Variants in HIVEP1 observed in about 807,000 individuals in gnomAD.
HIVEP1 encodes the protein HIVEP zinc finger 1, also known as zinc finger protein 40.
Under a neutral mutation model 180.0 loss-of-function variants are expected in HIVEP1, and 36 were observed. The observed-to-expected ratio is 0.20, with a 90% CI of 0.15 to 0.26. The LOEUF (loss-of-function observed/expected upper bound fraction) is 0.26, where lower values mean the gene tolerates loss of function less well. HIVEP1 is among the 10% of genes least tolerant of loss of function. The pLI is 1.00. For missense variants in HIVEP1, 3,143 were observed against 3,268.7 expected (o/e 0.96, Z 0.94); for synonymous variants, 1,239 against 1,239.0 (o/e 1.00, Z 0.00).
intron 2 of HIVEP1, among the ~76,000 whole-genome samples, chr6:12,061,323 C>T (rs1331178740): frequency 2.0e-5 from 3 of 152,168 alleles, no homozygotes; most frequent in African/African-American, 4.8e-5. Context: ...TCAATTGGCA[C>T]GTTTGCATAT....
intron 3 of HIVEP1, among the ~76,000 whole-genome samples, chr6:12,105,295 G>A (rs1158542014): frequency 2.0e-5 from 3 of 152,166 alleles, no homozygotes; most frequent in African/African-American, 7.2e-5. Flanking sequence ...CGGACTCCAT[G>A]CATGGCATGC....
chr6:12,093,845 C>T (rs1773634350), intron 3 of HIVEP1, among the ~76,000 whole-genome samples: 1 of 151,894 alleles, frequency 6.6e-6, no homozygotes, highest in East Asian at 1.9e-4. Flanking sequence ...GGGCAGATTC[C>T]TTGTGTTATT....
the HIVEP1 span, among the ~76,000 whole-genome samples, chr6:12,200,381 G>T: frequency 5.3e-5 from 8 of 152,234 alleles, no homozygotes; most frequent in East Asian, 1.5e-3. Context: ...TGCCTATGGG[G>T]TAGCCCTGCT....
Position 12,119,944 on chromosome 6 carries a change from G to A in HIVEP1, c.149G>A (p.Arg50His), listed in dbSNP as rs1179938140. The A allele has an allele frequency of 1.2e-6, 2 of 1,600,804 alleles. No homozygotes were observed. The highest frequency in any genetic ancestry group is 8.5e-7 in the Non-Finnish European group (1 of 1,176,460). Residue 50 changes from arginine (R) to histidine (H), a missense_variant, in exon 4 of 9, where the codon CGC becomes CAC. Physicochemically the swap from Arg to His is conservative, Grantham distance 29. Coordinates refer to ENST00000379388, the MANE Select transcript of HIVEP1 (RefSeq NM_002114.4). Reference protein sequence around the residue: ...GTSESLKGVKRKKIVAENHLK... With the variant: ...GTSESLKGVKHKKIVAENHLK... ...TCGGAATCCCTTAAAGGTGTGAAACGCAAAAAGATCGTAGCTGAGAATCAC... is the reference window on the plus strand; with the variant it reads ...TCGGAATCCCTTAAAGGTGTGAAACACAAAAAGATCGTAGCTGAGAATCAC...
chr6:12,090,789 AGTAGC>A (rs1301239163), intron 3 of HIVEP1, among the ~76,000 whole-genome samples: 1 of 118,838 alleles, frequency 8.4e-6, no homozygotes, highest in East Asian at 2.6e-4. Flanking sequence ...AGCTGCTTCT[AGTAGC>A]AAAGCAAATG....
At chr6:12,143,540 A>G (rs545191654) in intron 7 of HIVEP1, among the ~76,000 whole-genome samples, 14 of 152,212 alleles carry the variant, frequency 9.2e-5, no homozygotes, top group South Asian at 2.1e-4. Context: ...GGCCAAGGCA[A>G]TCAGGCAAGA....
At chr6:12,071,457 TC>T (rs1489218860) in intron 2 of HIVEP1, among the ~76,000 whole-genome samples, 4 of 152,348 alleles carry the variant, frequency 2.6e-5, no homozygotes, top group South Asian at 2.1e-4. Context: ...AATATTGTCT[TC>T]CTTTTCCTAT....
chr6:12,119,867 G>T (rs776787998), intron 3 of HIVEP1, 23 bp from the exon 4 acceptor site: 2 of 1,300,692 alleles, frequency 1.5e-6, no homozygotes, highest in Non-Finnish European at 2.1e-6. Context: ...CCAATTGTTT[G>T]TTGTTGTTGT....
Position 12,164,039 on chromosome 6 carries a change from T to C in HIVEP1, c.7735T>C (p.Cys2579Arg), listed in dbSNP as rs768703933. 3.7e-6 allele frequency: 6 copies of C among 1,614,078 alleles called. No individual in the cohort carries two copies. The highest frequency in any genetic ancestry group is 5.1e-6 in the Non-Finnish European group (6 of 1,180,026). The part of the protein sequence containing the change: ...PEMPASQSKA[C>R]ETQPKQTSVA... ...AATGCCAGCTTCCCAAAGCAAAGCA[T>C]GCGAGACACAACCCAAGCAGACTTC... The change falls in exon 9 of 9, where the codon TGC (cysteine) becomes CGC (arginine). Residue 2579 changes from cysteine to arginine, a missense_variant. Physicochemically the swap from Cys to Arg is radical, Grantham distance 180. Around this residue, in one of 12 missense-constraint regions of HIVEP1, gnomAD observed 595 missense variants for 602.2 expected, o/e 0.99. Coordinates refer to ENST00000379388, the MANE Select transcript of HIVEP1 (RefSeq NM_002114.4).
intron 2 of HIVEP1, among the ~76,000 whole-genome samples, chr6:12,075,842 A>C (rs1772316049): frequency 6.6e-6 from 1 of 152,212 alleles, no homozygotes; most frequent in Non-Finnish European, 1.5e-5. Flanking sequence ...ATGTCATCAC[A>C]ATACCTTTGT....
At chr6:12,060,110 T>C (rs1175764421) in intron 2 of HIVEP1, among the ~76,000 whole-genome samples, 2 of 152,228 alleles carry the variant, frequency 1.3e-5, no homozygotes, top group African/African-American at 4.8e-5. Flanking sequence ...GCTATTTCAA[T>C]TGGAATTCTT....
At chr6:12,186,564 C>G in the HIVEP1 span, among the ~76,000 whole-genome samples, 142,978 of 147,346 alleles carry the variant, frequency 0.97, 69,428 homozygotes, top group East Asian at 1. Flanking sequence ...AAAAAAAAGG[C>G]GTATACTAAC....
At chr6:12,088,249 T>C (rs1333359016) in intron 2 of HIVEP1, among the ~76,000 whole-genome samples, 8 of 152,120 alleles carry the variant, frequency 5.3e-5, no homozygotes, top group Admixed American at 6.6e-5. Context: ...ACTTCTGAGC[T>C]GATGCGTTTA....
intron 4 of HIVEP1, among the ~76,000 whole-genome samples, chr6:12,126,746 A>G (rs949900742): frequency 6.6e-6 from 1 of 152,232 alleles, no homozygotes; most frequent in African/African-American, 2.4e-5. Context: ...AGTTTCTAAC[A>G]TTACTGGTAG....
intron 2 of HIVEP1, among the ~76,000 whole-genome samples, chr6:12,050,761 T>C (rs532356396): frequency 3.4e-4 from 52 of 152,054 alleles, no homozygotes; most frequent in Middle Eastern, 3.4e-3. Context: ...GCCCTTGGCC[T>C]GGTGGGCCAT....
intron 7 of HIVEP1, among the ~76,000 whole-genome samples, chr6:12,138,815 T>C (rs1033400459): frequency 2.6e-5 from 4 of 151,860 alleles, no homozygotes; most frequent in Admixed American, 2.6e-4. Context: ...CCCTTACCTC[T>C]AAGCACACTT....
At chr6:12,022,121 A>G (rs541556742) in intron 2 of HIVEP1, among the ~76,000 whole-genome samples, 4 of 152,244 alleles carry the variant, frequency 2.6e-5, no homozygotes, top group African/African-American at 7.2e-5. Flanking sequence ...GAACAGATAA[A>G]CCAGGTGGTT....
the HIVEP1 span, among the ~76,000 whole-genome samples, chr6:12,200,781 T>C: frequency 6.6e-6 from 1 of 152,262 alleles, no homozygotes; most frequent in Non-Finnish European, 1.5e-5. Flanking sequence ...TGAAATCTTT[T>C]TGTTTTATTT....
intron 5 of HIVEP1, 137 bp downstream of exon 5, chr6:12,130,029 A>G (rs1270643862): frequency 9.6e-6 from 6 of 623,708 alleles, no homozygotes; most frequent in Non-Finnish European, 1.7e-5. Context: ...CAGAATCTCC[A>G]TAGCAAAATA....
Sources: gnomAD v4.1 joint callset for allele counts (sites outside exome capture counted in the v4.1 genomes callset) on GRCh38, gnomAD v4.1.1 for gene constraint, gnomAD v4.1.1 regional missense constraint, MANE v1.5 for transcripts, NCBI Gene and HGNC (gene_info 2026-07-23, HGNC 2026-07-21) for gene names.